The following ZFYVE28 variants were observed in gnomAD, a reference collection of about 807,000 sequenced individuals.
ZFYVE28 encodes the protein lateral signaling target protein 2 homolog.
In ZFYVE28, 40 loss-of-function variants were observed where a neutral mutation model predicts 82.1. The observed-to-expected ratio is 0.49, with a 90% CI of 0.38 to 0.63. The LOEUF is 0.63. Ranked by LOEUF, ZFYVE28 falls within the 30% of genes least tolerant of loss-of-function variation. The pLI, the probability that ZFYVE28 is intolerant of heterozygous loss-of-function variation, is 0.00. For synonymous variants in ZFYVE28, 612 were observed against 546.1 expected, an observed-to-expected ratio of 1.12 and a Z score of -1.68; for missense variants, 1,321 against 1,242.1, an observed-to-expected ratio of 1.06 and a Z score of -0.96.
At chr4:2,327,584 C>T (rs1279532087) in intron 6 of ZFYVE28, among the ~76,000 whole-genome samples, 10 of 151,816 alleles carry the variant, frequency 6.6e-5, no homozygotes, top group African/African-American at 2.4e-4. Flanking sequence ...TACATTTTCA[C>T]TCAGTGGTAC....
At chr4:2,391,328 G>T (rs1042103350) in intron 1 of ZFYVE28, among the ~76,000 whole-genome samples, 3 of 152,082 alleles carry the variant, frequency 2.0e-5, no homozygotes, top group African/African-American at 7.2e-5. Context: ...ATGTGTGGCG[G>T]AAGAGCCTCG....
chr4:2,397,117 G>A lies in ZFYVE28; in HGVS notation c.39+21168C>T, dbSNP rs138549270. On this transcript the variant is annotated intron_variant, in intron 1 of 12. Coordinates refer to ENST00000290974, the MANE Select transcript of ZFYVE28 (RefSeq NM_020972.3). ...ATTTGTTATGGTAAATTGCAGTGAT[G>A]TAAACATAACACAAAATCGACCTTT... 7.5e-4 allele frequency among the ~76,000 whole-genome samples: 115 copies of A among 152,338 alleles called. 1 individual carries two copies. In the East Asian group the frequency reaches 0.019, roughly 25 times the overall value.
intron 1 of ZFYVE28, among the ~76,000 whole-genome samples, chr4:2,384,759 T>A (rs926697904): frequency 6.6e-6 from 1 of 152,194 alleles, no homozygotes; most frequent in Non-Finnish European, 1.5e-5. Context: ...AATCTTTATT[T>A]AATTCAGCAT....
rs965922846 is a variant in ZFYVE28 at position 2,320,716 on chromosome 4, G to C, written c.702-445C>G. Among the ~76,000 whole-genome samples, 1 of 152,184 alleles carries C rather than the reference G, an allele frequency of 6.6e-6. No individual in the cohort carries two copies. Among genetic ancestry groups the C allele is most frequent in the Non-Finnish European group, 1.5e-5 (1 of 68,028 alleles). On this transcript the variant is annotated intron_variant, in intron 6 of 12. Transcript: ENST00000290974. The surrounding 1 kb of genome is among the most constrained non-coding windows in gnomAD (Gnocchi z 5.1). Reference sequence around the variant, plus strand: ...AAAGCAAAACCAGCTGGAGGTGCGAGCTGAGGCCCGCACGGGTTCCCTTCC... The same window carrying C: ...AAAGCAAAACCAGCTGGAGGTGCGACCTGAGGCCCGCACGGGTTCCCTTCC...
chr4:2,337,362 A>C, intron 5 of ZFYVE28, 45 bp downstream of exon 5: 1 of 1,526,266 alleles, frequency 6.6e-7, no homozygotes, highest in Non-Finnish European at 8.9e-7. Context: ...TGAGGCAGGG[A>C]CTCCCCAGAT....
chr4:2,301,205 C>T (rs988209770), intron 8 of ZFYVE28, among the ~76,000 whole-genome samples: 4 of 152,148 alleles, frequency 2.6e-5, no homozygotes, highest in South Asian at 2.1e-4. Context: ...GGTGGGTCTC[C>T]GGTGCTTGGC....
chr4:2,281,046 C>G (rs1171466698), intron 8 of ZFYVE28, among the ~76,000 whole-genome samples: 2 of 152,206 alleles, frequency 1.3e-5, no homozygotes, highest in Non-Finnish European at 2.9e-5. Context: ...CCATCTCAAC[C>G]CCAGACACCC....
chr4:2,302,089 G>A (rs1039239974), intron 8 of ZFYVE28, among the ~76,000 whole-genome samples: 32 of 152,248 alleles, frequency 2.1e-4, no homozygotes, highest in African/African-American at 6.0e-4. Flanking sequence ...CCAGGAGAGC[G>A]AGGTGGGGGC....
rs560102824 is a variant in ZFYVE28 at position 2,372,075 on chromosome 4, G to A, written c.40-18002C>T. Among the ~76,000 whole-genome samples the A allele has an allele frequency of 3.9e-5, 6 of 152,334 alleles. No homozygotes were observed. Among genetic ancestry groups the A allele is most frequent in the South Asian group, 2.1e-4 (1 of 4,834 alleles). ...CAGCCCAGTGGAAGCCTGGAGGGGC[G>A]TGCAGCGTGTGGCCGGTTCTGGTGC... On this transcript the variant is annotated intron_variant, in intron 1 of 12. Coordinates refer to ENST00000290974, the MANE Select transcript of ZFYVE28 (RefSeq NM_020972.3). The surrounding 1 kb of genome is among the most constrained non-coding windows in gnomAD (Gnocchi z 5.2).
intron 2 of ZFYVE28, among the ~76,000 whole-genome samples, chr4:2,345,199 C>CA (rs933285473): frequency 1.8e-4 from 27 of 148,972 alleles, no homozygotes; most frequent in African/African-American, 5.7e-4. Flanking sequence ...GACTCCATCT[C>CA]AAAAAAAAGA....
intron 6 of ZFYVE28, among the ~76,000 whole-genome samples, chr4:2,331,732 C>T (rs1177944923): frequency 6.6e-6 from 1 of 152,116 alleles, no homozygotes; most frequent in Non-Finnish European, 1.5e-5. Context: ...AGGGGTGACC[C>T]CCAGTTTTTG....
intron 7 of ZFYVE28, among the ~76,000 whole-genome samples, chr4:2,306,097 A>G (rs1716531740): frequency 6.6e-6 from 1 of 152,264 alleles, no homozygotes; most frequent in Non-Finnish European, 1.5e-5. Flanking sequence ...AGACAATGCA[A>G]GCCATGAAGG....
intron 1 of ZFYVE28, among the ~76,000 whole-genome samples, chr4:2,374,038 T>C (rs1578300512): frequency 6.6e-6 from 1 of 152,156 alleles, no homozygotes; most frequent in Admixed American, 6.5e-5. Flanking sequence ...TCCACCAAGA[T>C]GGGCTTCATC....
intron 2 of ZFYVE28, among the ~76,000 whole-genome samples, chr4:2,352,107 T>A (rs3128832): frequency 0.29 from 43,808 of 151,974 alleles, 7,335 homozygotes; most frequent in African/African-American, 0.45. Context: ...GTATTTTAGA[T>A]CCAAGTTAGG....
At chr4:2,386,006 T>C (rs1216309469) in intron 1 of ZFYVE28, among the ~76,000 whole-genome samples, 1 of 152,196 alleles carries the variant, frequency 6.6e-6, no homozygotes, top group Non-Finnish European at 1.5e-5. Context: ...AATTTTCCAT[T>C]TGCAGACTAA....
chr4:2,357,570 T>C (rs1725519479), intron 1 of ZFYVE28, among the ~76,000 whole-genome samples: 1 of 151,992 alleles, frequency 6.6e-6, no homozygotes, highest in Admixed American at 6.5e-5. Flanking sequence ...TTCAGAGCAG[T>C]AGGTATGGGA....
chr4:2,319,908 C>G (rs930601348), intron 7 of ZFYVE28, among the ~76,000 whole-genome samples: 28 of 152,232 alleles, frequency 1.8e-4, no homozygotes, highest in African/African-American at 6.5e-4. Context: ...GTTGCTGTAC[C>G]ATGTCAGGAA....
intron 2 of ZFYVE28, among the ~76,000 whole-genome samples, chr4:2,344,433 T>C (rs928343385): frequency 2.0e-5 from 3 of 152,218 alleles, no homozygotes; most frequent in Admixed American, 1.3e-4. Context: ...CAGTTAACTC[T>C]AGACTAAACA....
intron 1 of ZFYVE28, among the ~76,000 whole-genome samples, chr4:2,395,395 G>A (rs905664862): frequency 1.3e-5 from 2 of 152,244 alleles, no homozygotes; most frequent in African/African-American, 4.8e-5. Context: ...CTTTCGCGCA[G>A]ACAGCACTGC....
Sources: allele counts gnomAD v4.1 joint callset (sites outside exome capture counted in the v4.1 genomes callset), GRCh38; gene constraint gnomAD v4.1.1; non-coding constraint Gnocchi (gnomAD v3.1); transcripts MANE v1.5; gene names NCBI Gene and HGNC (gene_info 2026-07-23, HGNC 2026-07-21).